RPA1: variants seen among roughly 807,000 people sequenced by gnomAD.
RPA1 encodes replication protein A1, also known as replication protein A 70 kDa DNA-binding subunit.
In RPA1, 49 loss-of-function variants were observed where a neutral mutation model predicts 83.0. The ratio of observed to expected loss-of-function variants is 0.59; its 90% CI spans 0.47 to 0.75. The LOEUF is 0.75. RPA1 is among the 30% of genes least tolerant of loss of function. The pLI is 0.00. For synonymous variants in RPA1, 279 were observed against 281.8 expected (o/e 0.99, Z 0.10); for missense variants, 693 against 776.1 (o/e 0.89, Z 1.27).
At chr17:1,832,740 C>G (rs1911670040) in intron 1 of RPA1, among the ~76,000 whole-genome samples, 1 of 152,078 alleles carries the variant, frequency 6.6e-6, no homozygotes, top group South Asian at 2.1e-4. Flanking sequence ...TGTTTCTTTT[C>G]TGTAAAATGA....
intron 4 of RPA1, among the ~76,000 whole-genome samples, chr17:1,848,535 C>T (rs1031755166): frequency 1.3e-5 from 2 of 151,942 alleles, no homozygotes; most frequent in Non-Finnish European, 2.9e-5. Context: ...TGCTTCAACC[C>T]GGGAGGCAGA....
intron 4 of RPA1, among the ~76,000 whole-genome samples, chr17:1,847,788 AG>A (rs1453697109): frequency 1.3e-5 from 2 of 152,134 alleles, no homozygotes; most frequent in East Asian, 3.8e-4. Context: ...TGAGAGGCTG[AG>A]GCGGGGCAGA....
rs1191478335 is a variant in RPA1, at chr17:1,897,388, C to T, written c.*213C>T. 7 of 497,946 alleles carry T rather than the reference C, an allele frequency of 1.4e-5. No homozygotes were observed. The highest frequency in any genetic ancestry group is 4.0e-5 in the African/African-American group (2 of 50,084). 30.8% of individuals were successfully genotyped at this position (497,946 alleles called of 1,614,324 possible). A position where few individuals can be genotyped will look rare whatever the true frequency, so the allele number is the denominator to read the frequency against. On this transcript the variant is annotated 3_prime_UTR_variant, in exon 17 of 17. Transcript: ENST00000254719. ...TGTGGTGTAGACTGTGTCAGGCCTA[C>T]GGAGTCAGCCAGTGGCTAGCGCAAG...
rs370400113 is a variant in RPA1, at chr17:1,859,105, G to A, written c.361+5916G>A. 1.8e-4 allele frequency among the ~76,000 whole-genome samples: 28 copies of A among 152,086 alleles called. No homozygotes were observed. In the South Asian group the frequency reaches 3.1e-3, roughly 17 times the overall value. ...TTTAGTAAAGACAGGGTTTTGCCGT[G>A]TTAGCCAGGCTGGTGTCAAACTCCT... On this transcript the variant is annotated intron_variant, in intron 5 of 16. Transcript: ENST00000254719.
At position 1,877,354 on chromosome 17, in the gene RPA1, C is replaced by T. The variant is rs41544523; in HGVS notation, c.690+40C>T. ...TGCTGGGGAGTGAGGGCAGTGGGCT[C>T]GCCGGGAAACAGAAGGCTCAGCTCT... On this transcript the variant is annotated intron_variant, in intron 8 of 16. Transcript: ENST00000254719. 5.3e-3 allele frequency: 8,256 copies of T among 1,568,706 alleles called. 24 individuals are homozygous for T. The highest frequency in any genetic ancestry group is 6.6e-3 in the Non-Finnish European group (7,523 of 1,142,248).
intron 5 of RPA1, chr17:1,872,178 CT>C: frequency 2.0e-6 from 1 of 494,824 alleles, no homozygotes; most frequent in South Asian, 2.5e-5. Context: ...AGGGGAGAAC[CT>C]CATTAACACT....
At chr17:1,844,746 A>G (rs1912195346) in intron 4 of RPA1, 60 bp downstream of exon 4, 3 of 1,302,752 alleles carry the variant, frequency 2.3e-6, no homozygotes, top group Non-Finnish European at 3.2e-6. Context: ...ATTTAGGAAT[A>G]AAAAAGGCAA....
At chr17:1,851,060 A>G (rs758565219) in intron 4 of RPA1, among the ~76,000 whole-genome samples, 8 of 152,186 alleles carry the variant, frequency 5.3e-5, no homozygotes, top group Non-Finnish European at 5.9e-5. Flanking sequence ...TCTGTTGTCC[A>G]GTTTTGCTCT....
At chr17:1,855,272 C>T (rs915578377) in intron 5 of RPA1, among the ~76,000 whole-genome samples, 7 of 152,082 alleles carry the variant, frequency 4.6e-5, no homozygotes, top group South Asian at 2.1e-4. Context: ...AAGTGATTCT[C>T]GTGCCTCAGC....
At chr17:1,856,444 C>T (rs1032106269) in intron 5 of RPA1, among the ~76,000 whole-genome samples, 5 of 151,910 alleles carry the variant, frequency 3.3e-5, no homozygotes, top group African/African-American at 1.2e-4. Context: ...TGAAAAAATA[C>T]AAAGATTATC....
rs776408072 is a variant in RPA1, at chr17:1,880,586, A to G, written c.1136A>G (p.Lys379Arg). Residue 379 changes from lysine to arginine, a missense_variant, in exon 12 of 17, where the codon AAA (lysine) becomes AGA (arginine). Lys to Arg is a conservative substitution (Grantham distance 26). Transcript: ENST00000254719. ...TCTAGACAGCCCGTGTTGGCTATCA[A>G]AGGAGCCCGAGTCTCTGATTTCGGT... Reference protein sequence around the residue: ...DGSRQPVLAIKGARVSDFGGR... With the variant: ...DGSRQPVLAIRGARVSDFGGR... The G allele has an allele frequency of 1.2e-6, 2 of 1,614,108 alleles. No individual in the cohort carries two copies. The highest frequency in any genetic ancestry group is 1.1e-5 in the South Asian group (1 of 91,070).
chr17:1,888,759 A>C lies in RPA1; in HGVS notation c.1459A>C (p.Asn487His). ...CCAAGCCTGCCCGACTCAGGACTGCAATAAGAAAGTGATTGATCAACAGAA... is the reference window on the plus strand; with the variant it reads ...CCAAGCCTGCCCGACTCAGGACTGCCATAAGAAAGTGATTGATCAACAGAA... ...MYQACPTQDC[N>H]KKVIDQQNGL... Residue 487 changes from asparagine to histidine, a missense_variant, in exon 14 of 17, where the codon AAT becomes CAT. By Grantham distance (68) the Asn-to-His change is moderately conservative. Transcript: ENST00000254719. 1 of 1,614,252 alleles carries C rather than the reference A, an allele frequency of 6.2e-7. No homozygotes were observed. Among genetic ancestry groups the C allele is most frequent in the Non-Finnish European group, 8.5e-7 (1 of 1,180,048 alleles).
intron 12 of RPA1, among the ~76,000 whole-genome samples, chr17:1,882,484 G>A (rs1158222882): frequency 6.6e-6 from 1 of 151,738 alleles, no homozygotes; most frequent in East Asian, 1.9e-4. Flanking sequence ...GTGAAACCTC[G>A]TCTCTACAAA....
chr17:1,868,248 C>T (rs75213191), intron 5 of RPA1, among the ~76,000 whole-genome samples: 1 of 152,230 alleles, frequency 6.6e-6, no homozygotes, highest in Admixed American at 6.5e-5. Flanking sequence ...GTAACCAGAT[C>T]AGTGAGCCAG....
chr17:1,871,463 G>T (rs1303412104), intron 5 of RPA1, among the ~76,000 whole-genome samples: 2 of 152,146 alleles, frequency 1.3e-5, no homozygotes, highest in Admixed American at 1.3e-4. Flanking sequence ...TGGCAGGTGG[G>T]AAGCCCTCCC....
chr17:1,885,547 C>G (rs1044954186), intron 13 of RPA1, among the ~76,000 whole-genome samples: 1 of 152,080 alleles, frequency 6.6e-6, no homozygotes, highest in East Asian at 1.9e-4. Context: ...TCACAGCTCA[C>G]TGCAGTCTCA....
intron 16 of RPA1, among the ~76,000 whole-genome samples, chr17:1,895,439 CAA>C (rs1914375619): frequency 6.7e-6 from 1 of 150,212 alleles, no homozygotes; most frequent in Admixed American, 6.7e-5. Flanking sequence ...ATATCTTTGA[CAA>C]ATTTAGATTG....
Position 1,867,173 on chromosome 17 carries a change from A to G in RPA1, c.362-5261A>G, listed in dbSNP as rs1913206297. Among the ~76,000 whole-genome samples, 3 of 52,314 alleles carry G rather than the reference A, an allele frequency of 5.7e-5. No homozygotes were observed. In the South Asian group the frequency reaches 2.0e-3, roughly 35 times the overall value. The allele number at this position is 52,314 out of a possible 152,430, so 34.3% of individuals were successfully genotyped here. A position where few individuals can be genotyped will look rare whatever the true frequency, so the allele number is the denominator to read the frequency against. On this transcript the variant is annotated intron_variant, in intron 5 of 16. Transcript: ENST00000254719. ...CACATCACTTTTTTTTGCAGTAGTA[A>G]CGTTTTGTTAAAATGAGCGAATTTG...
At chr17:1,836,696 C>T (rs568259120) in intron 1 of RPA1, among the ~76,000 whole-genome samples, 2 of 151,610 alleles carry the variant, frequency 1.3e-5, no homozygotes, top group African/African-American at 4.8e-5. Context: ...GGTAGGGTCT[C>T]TGTCACCCAG....
Sources: allele counts gnomAD v4.1 joint callset (sites outside exome capture counted in the v4.1 genomes callset), GRCh38; gene constraint gnomAD v4.1.1; transcripts MANE v1.5; gene names NCBI Gene and HGNC (gene_info 2026-07-23, HGNC 2026-07-21).